Variants in STARD9 observed in about 807,000 individuals in gnomAD.
STARD9 encodes stAR-related lipid transfer protein 9.
STARD9 carries 346 observed loss-of-function variants against 399.8 expected under a neutral mutation model. That is an observed-to-expected ratio of 0.87 (90% CI 0.79 to 0.95). The LOEUF (loss-of-function observed/expected upper bound fraction) is 0.95, where lower values mean the gene tolerates loss of function less well. STARD9 is among the 40% of genes least tolerant of loss of function. The pLI is 0.00. For missense variants in STARD9, 5,832 were observed against 5,667.5 expected (o/e 1.03, Z -0.93); for synonymous variants, 2,203 against 2,143.5 (o/e 1.03, Z -0.77).
chr15:42,651,396 T>C (rs1327667563), intron 8 of STARD9, among the ~76,000 whole-genome samples: 1 of 152,228 alleles, frequency 6.6e-6, no homozygotes, highest in Admixed American at 6.5e-5. Context: ...CTTACCTGCA[T>C]TGTCCTCTCC....
At position 42,684,512 on chromosome 15, in the gene STARD9, G is replaced by A. The variant is rs1168109960; in HGVS notation, c.2934G>A (p.Lys978=). The A allele has an allele frequency of 1.6e-5, 25 of 1,537,080 alleles. No individual in the cohort carries two copies. The Admixed American group carries it at 3.7e-4, about 23-fold the overall frequency. ...CTACTACCCAGACCAGAGGGGCGAA[G>A]GGACTAGCAGACCCTAGCCACACAC... is the stretch of plus-strand genomic sequence containing the variant. ...FTSTTQTRGA[K]GLADPSHTQA... Residue 978 remains lysine, a synonymous_variant, in exon 23 of 33, where the codon AAG becomes AAA. Coordinates refer to ENST00000290607, the MANE Select transcript of STARD9 (RefSeq NM_020759.3).
At chr15:42,703,610 T>C (rs1033867171) in intron 26 of STARD9, among the ~76,000 whole-genome samples, 3 of 151,576 alleles carry the variant, frequency 2.0e-5, no homozygotes, top group African/African-American at 7.3e-5. Context: ...CCTGACCTCA[T>C]GATCCACCCA....
chr15:42,718,110 T>A lies in STARD9; in HGVS notation c.13693T>A (p.Trp4565Arg). The A allele has an allele frequency of 6.5e-7, 1 of 1,537,242 alleles. No individual in the cohort carries two copies. The highest frequency in any genetic ancestry group is 8.7e-7 in the Non-Finnish European group (1 of 1,146,904). The change falls in exon 30 of 33, where the codon TGG becomes AGG. Residue 4565 changes from tryptophan to arginine, a missense_variant. Trp to Arg is a moderately radical substitution (Grantham distance 101). This residue lies in a region of STARD9 where 5,828 missense variants were observed against 5,651.1 expected (regional missense o/e 1.03). Transcript: ENST00000290607. ...GGCGGCTGTCAGTGACCCCACTGTG[T>A]GGCCCCTGTATTACAAGCCCATCCA... ...VWAAVSDPTVWPLYYKPIQTA... is the reference protein window; with the variant it reads ...VWAAVSDPTVRPLYYKPIQTA...
In STARD9 at chr15:42,627,122, T is replaced by C. The variant is rs530835353; in HGVS notation, c.235-7734T>C. On this transcript the variant is annotated intron_variant, in intron 3 of 32. Coordinates refer to ENST00000290607, the MANE Select transcript of STARD9 (RefSeq NM_020759.3). ...ACCAGCCTGGGTAACATGGCAAAACTCCATCTCTACAAAAAATACAAAAAT... is the reference window on the plus strand; with the variant it reads ...ACCAGCCTGGGTAACATGGCAAAACCCCATCTCTACAAAAAATACAAAAAT... Among the ~76,000 whole-genome samples, 12 of 152,026 alleles carry C rather than the reference T, an allele frequency of 7.9e-5. No individual in the cohort carries two copies. In the East Asian group the frequency reaches 2.1e-3, roughly 27 times the overall value.
rs1377050458 is a variant in STARD9, at chr15:42,687,365, G to C, written c.5787G>C (p.Gln1929His). Residue 1929 changes from glutamine (Q) to histidine (H), a missense_variant, in exon 23 of 33, where the codon CAG (glutamine) becomes CAC (histidine). Coordinates refer to ENST00000290607, the MANE Select transcript of STARD9 (RefSeq NM_020759.3). ...TGGATCAGAATACGGTTCTGAGGCA[G>C]ACCATCAATGTAAGCCTTGAGAAAG... ...EELDQNTVLR[Q>H]TINVSLEKDM... The C allele has an allele frequency of 6.5e-7, 1 of 1,536,640 alleles. No individual in the cohort carries two copies. The highest frequency in any genetic ancestry group is 8.7e-7 in the Non-Finnish European group (1 of 1,146,930).
intron 3 of STARD9, among the ~76,000 whole-genome samples, chr15:42,612,366 C>G (rs2058868636): frequency 6.6e-6 from 1 of 152,150 alleles, no homozygotes; most frequent in Non-Finnish European, 1.5e-5. Flanking sequence ...AAATGCTTAC[C>G]TTTGCTTGGA....
intron 9 of STARD9, among the ~76,000 whole-genome samples, chr15:42,655,270 A>G (rs534496502): frequency 2.0e-5 from 3 of 152,358 alleles, no homozygotes; most frequent in South Asian, 4.1e-4. Context: ...CAACAGAGTG[A>G]GACTTCGTCT....
chr15:42,624,161 A>T (rs2059149492), intron 3 of STARD9, among the ~76,000 whole-genome samples: 1 of 152,218 alleles, frequency 6.6e-6, no homozygotes, highest in African/African-American at 2.4e-5. Flanking sequence ...ACTTTGGGTA[A>T]GCTACTGCCA....
chr15:42,618,883 C>G (rs1313460096), intron 3 of STARD9, among the ~76,000 whole-genome samples: 2 of 151,862 alleles, frequency 1.3e-5, no homozygotes, highest in Admixed American at 1.3e-4. Flanking sequence ...ACAGTTTTGT[C>G]TTTTATATAT....
In STARD9 at chr15:42,718,078, G is replaced by T. The variant is rs759899435; in HGVS notation, c.13661G>T (p.Arg4554Leu). Residue 4554 changes from arginine to leucine, a missense_variant, in exon 30 of 33, where the codon CGT (arginine) becomes CTT (leucine). By Grantham distance (102) the Arg-to-Leu change is moderately radical (BLOSUM62 -2). Around this residue, in one of 2 missense-constraint regions of STARD9, gnomAD observed 5,828 missense variants for 5,651.1 expected, o/e 1.03. Coordinates refer to ENST00000290607, the MANE Select transcript of STARD9 (RefSeq NM_020759.3). ...GAGVVSQPLS[R>L]VWAAVSDPTV... The stretch of plus-strand genomic sequence containing the variant: ...GGTGTGGTGTCCCAGCCGCTGTCTC[G>T]TGTGTGGGCGGCTGTCAGTGACCCC... 6.5e-7 allele frequency: 1 copy of T among 1,537,246 alleles called. No homozygotes were observed. Among genetic ancestry groups the T allele is most frequent in the South Asian group, 1.2e-5 (1 of 84,058 alleles).
chr15:42,624,539 C>T (rs562944123), intron 3 of STARD9, among the ~76,000 whole-genome samples: 3 of 146,198 alleles, frequency 2.1e-5, no homozygotes, highest in South Asian at 4.2e-4. Context: ...TTGTTTATCA[C>T]CATTTTCTGT....
intron 7 of STARD9, among the ~76,000 whole-genome samples, chr15:42,644,363 G>A (rs1028447342): frequency 5.5e-4 from 83 of 151,870 alleles, no homozygotes; most frequent in African/African-American, 1.9e-3. Flanking sequence ...TGTGGTGGCG[G>A]GCACCTGTAG....
At chr15:42,705,406 CTTG>C (rs1334015435) in intron 26 of STARD9, among the ~76,000 whole-genome samples, 3 of 152,128 alleles carry the variant, frequency 2.0e-5, no homozygotes, top group Admixed American at 6.6e-5. Flanking sequence ...ATTCTGCCAT[CTTG>C]TTGTGCCTCT....
rs578117449 is a variant in STARD9, at chr15:42,662,896, T to C, written c.868+5T>C. On this transcript the variant is annotated splice_donor_5th_base_variant and intron_variant, in intron 11 of 32. Coordinates refer to ENST00000290607, the MANE Select transcript of STARD9 (RefSeq NM_020759.3). The stretch of plus-strand genomic sequence containing the variant: ...GAATTGTCATCTCCACCTTAGGTAT[T>C]TTCTGATAGATAATGGGAGTGGGAG... The C allele has an allele frequency of 1.4e-5, 22 of 1,523,956 alleles. 1 individual carries two copies. The South Asian group carries it at 2.1e-4, about 15-fold the overall frequency. 94.4% of individuals were successfully genotyped at this position (1,523,956 alleles called of 1,614,324 possible).
At chr15:42,587,235 C>T (rs1036235243) in intron 3 of STARD9, among the ~76,000 whole-genome samples, 2 of 152,124 alleles carry the variant, frequency 1.3e-5, no homozygotes, top group Admixed American at 6.5e-5. Context: ...TGATTTTCTG[C>T]TATTGTAGAC....
At chr15:42,671,031 C>T (rs1274829919) in intron 16 of STARD9, 1 of 151,246 alleles carries the variant, frequency 6.6e-6, no homozygotes, top group Non-Finnish European at 1.5e-5. Context: ...AGTAGTAGAG[C>T]TTAGGGTCGC....
chr15:42,659,194 G>A (rs915883935), intron 9 of STARD9, among the ~76,000 whole-genome samples: 13 of 152,130 alleles, frequency 8.5e-5, no homozygotes, highest in African/African-American at 3.1e-4. Flanking sequence ...TACATCTGAT[G>A]GAGGAATTAT....
intron 3 of STARD9, among the ~76,000 whole-genome samples, chr15:42,621,950 T>A (rs1370474298): frequency 6.6e-6 from 1 of 152,232 alleles, no homozygotes; most frequent in Non-Finnish European, 1.5e-5. Context: ...CATTTTCATA[T>A]ATATACACAT....
rs978829843 is a variant in STARD9, at chr15:42,669,309, G to A, written c.1469G>A (p.Ser490Asn). 2.6e-6 allele frequency: 4 copies of A among 1,532,590 alleles called. No homozygotes were observed. The East Asian group carries it at 9.8e-5, about 38-fold the overall frequency. 94.9% of individuals were successfully genotyped at this position (1,532,590 alleles called of 1,614,324 possible). A position where few individuals can be genotyped will look rare whatever the true frequency, so the allele number is the denominator to read the frequency against. Residue 490 changes from serine to asparagine, a missense_variant, in exon 16 of 33, where the codon AGC becomes AAC. Around this residue, in one of 2 missense-constraint regions of STARD9, gnomAD observed 5,828 missense variants for 5,651.1 expected, o/e 1.03. Transcript: ENST00000290607. ...ATGGCCTTGGAGGATGATGTGCTCA[G>A]CACAGGTGTTGTGCTCTATCATCTC... The part of the protein sequence containing the change: ...HLMALEDDVL[S>N]TGVVLYHLKE...
Sources: gnomAD v4.1 joint callset for allele counts (sites outside exome capture counted in the v4.1 genomes callset) on GRCh38, gnomAD v4.1.1 for gene constraint, gnomAD v4.1.1 regional missense constraint, MANE v1.5 for transcripts, NCBI Gene and HGNC (gene_info 2026-07-23, HGNC 2026-07-21) for gene names.